The following ZBTB41 variants were observed in gnomAD, a reference collection of about 807,000 sequenced individuals.
The protein encoded by ZBTB41 is zinc finger and BTB domain containing 41.
A neutral mutation model predicts 87.6 loss-of-function variants in ZBTB41; 42 were observed. The observed-to-expected ratio is 0.48, with a 90% CI of 0.37 to 0.62. ZBTB41 has a LOEUF of 0.62. Ranked by LOEUF, ZBTB41 falls within the 20% of genes least tolerant of loss-of-function variation. The probability of loss-of-function intolerance (pLI) is 0.00; values close to 1 mark genes in which losing one functional copy is unlikely to be tolerated. For missense variants in ZBTB41, 799 were observed against 1,078.9 expected, an observed-to-expected ratio of 0.74 and a Z score of 3.63; for synonymous variants, 364 against 364.0, an observed-to-expected ratio of 1.00 and a Z score of 0.00.
At chr1:197,161,710 T>C (rs1482477839) in intron 10 of ZBTB41, among the ~76,000 whole-genome samples, 1 of 152,138 alleles carries the variant, frequency 6.6e-6, no homozygotes, top group East Asian at 1.9e-4. Context: ...TGAATGCCTA[T>C]AATCAGAGAT....
chr1:197,170,140 G>A (rs1038037677), intron 10 of ZBTB41, among the ~76,000 whole-genome samples: 4 of 151,826 alleles, frequency 2.6e-5, no homozygotes, highest in African/African-American at 9.7e-5. Flanking sequence ...TTCTCCAGAT[G>A]AGGATATGGA....
At chr1:197,171,849 A>C (rs958931421) in intron 10 of ZBTB41, among the ~76,000 whole-genome samples, 1 of 151,970 alleles carries the variant, frequency 6.6e-6, no homozygotes, top group Admixed American at 6.6e-5. Context: ...AGCAAAATAA[A>C]GAAGAATCAT....
rs67302873 is a variant in ZBTB41, at chr1:197,175,431, A to AATATATATAT, written c.1880-326_1880-317dup. Among the ~76,000 whole-genome samples the AATATATATAT allele has an allele frequency of 6.3e-4, 45 of 71,586 alleles. 2 individuals carry two copies. The highest frequency in any genetic ancestry group is 3.2e-3 in the South Asian group (5 of 1,574). 47.0% of individuals were successfully genotyped at this position (71,586 alleles called of 152,430 possible). ...ACTACTTCAAAACTTAGGAATTTTA[A>AATATATATAT]ATATATATATATATATATGTCTGTA... On this transcript the variant is annotated intron_variant, in intron 8 of 10. Transcript: ENST00000367405.
At chr1:197,178,607 G>C in intron 6 of ZBTB41, 95 bp from the exon 7 acceptor site, 1 of 745,036 alleles carries the variant, frequency 1.3e-6, no homozygotes, top group Non-Finnish European at 2.0e-6. Context: ...CAAGCTAACT[G>C]ATATTATGGC....
At position 197,199,466 on chromosome 1, in the gene ZBTB41, C is replaced by T. The variant is rs1231843554; in HGVS notation, c.1008G>A (p.Glu336=). ...GAACATTTCCTACAGAATCACCAGC[C>T]TCAGGTTCTTCTTCTGCATCATTAT... ...KDHNDAEEEP[E]AGDSVGNVHE... Residue 336 remains glutamate (E), a synonymous_variant, in exon 2 of 11, where the codon GAG becomes GAA. Transcript: ENST00000367405. The T allele has an allele frequency of 6.2e-7, 1 of 1,613,090 alleles. No individual in the cohort carries two copies. The highest frequency in any genetic ancestry group is 1.3e-5 in the African/African-American group (1 of 74,790).
chr1:197,165,628 AC>A (rs930278538), intron 10 of ZBTB41, among the ~76,000 whole-genome samples: 1 of 151,922 alleles, frequency 6.6e-6, no homozygotes, highest in African/African-American at 2.4e-5. Context: ...AACAAAAAAA[AC>A]AACAAAAAAA....
chr1:197,175,045 G>A lies in ZBTB41; in HGVS notation c.1950C>T (p.Tyr650=), dbSNP rs1432533588. 6.2e-7 allele frequency: 1 copy of A among 1,610,682 alleles called. No individual in the cohort carries two copies. Among genetic ancestry groups the A allele is most frequent in the South Asian group, 1.1e-5 (1 of 90,710 alleles). Residue 650 remains tyrosine (Y), a synonymous_variant, in exon 9 of 11, where the codon TAC becomes TAT. Coordinates refer to ENST00000367405, the MANE Select transcript of ZBTB41 (RefSeq NM_194314.3). ...CTTTCTCTCCAAGGTGTACGCTTTT[G>A]TAATGAACAGTGAGATGATCCCTAC... ...FGRRDHLTVH[Y]KSVHLGEKVW...
At chr1:197,174,174 A>C (rs932926375) in intron 9 of ZBTB41, among the ~76,000 whole-genome samples, 1 of 152,144 alleles carries the variant, frequency 6.6e-6, no homozygotes, top group Non-Finnish European at 1.5e-5. Flanking sequence ...GCTAAGCCAT[A>C]CAGATTTTCA....
chr1:197,187,701 G>T (rs1422109980), intron 5 of ZBTB41, among the ~76,000 whole-genome samples: 1 of 151,868 alleles, frequency 6.6e-6, no homozygotes, highest in Non-Finnish European at 1.5e-5. Flanking sequence ...TATACTAAGT[G>T]GAAGAAGGCA....
intron 4 of ZBTB41, 133 bp from the exon 5 acceptor site, chr1:197,188,572 A>C: frequency 2.3e-6 from 2 of 872,118 alleles, no homozygotes; most frequent in Non-Finnish European, 3.3e-6. Flanking sequence ...CAAAAAGTAA[A>C]ATTCAATTCT....
At position 197,179,822 on chromosome 1, in the gene ZBTB41, C is replaced by T. The variant is rs1450718629; in HGVS notation, c.1676+1166G>A. Among the ~76,000 whole-genome samples the T allele has an allele frequency of 2.0e-5, 3 of 152,078 alleles. No individual in the cohort carries two copies. The East Asian group carries it at 5.8e-4, about 29-fold the overall frequency. ...TTATAGAAAATAAAATATCTTTATG[C>T]AGCTGTACAATGTGTGTTTTAAGCT... On this transcript the variant is annotated intron_variant, in intron 6 of 10. Transcript: ENST00000367405.
Position 197,200,358 on chromosome 1 carries a change from G to C in ZBTB41, c.116C>G (p.Ser39Cys). 1.9e-6 allele frequency: 3 copies of C among 1,614,216 alleles called. No homozygotes were observed. The highest frequency in any genetic ancestry group is 1.7e-6 in the Non-Finnish European group (2 of 1,180,034). Residue 39 changes from serine to cysteine, a missense_variant, in exon 2 of 11, where the codon TCT (serine) becomes TGT (cysteine). Transcript: ENST00000367405. ...VECDQVTYTH[S>C]AGRPTPEALH... ...AGCTTCAGGAGTTGGTCTTCCTGCA[G>C]AATGAGTATAGGTCACTTGGTCACA...
At chr1:197,183,026 TATA>T in intron 5 of ZBTB41, among the ~76,000 whole-genome samples, 1 of 152,266 alleles carries the variant, frequency 6.6e-6, no homozygotes, top group African/African-American at 2.4e-5. Flanking sequence ...TCTATATATA[TATA>T]ATATTGCTTT....
At chr1:197,170,519 T>G (rs74335715) in intron 10 of ZBTB41, among the ~76,000 whole-genome samples, 2,783 of 152,210 alleles carry the variant, frequency 0.018, 88 homozygotes, top group African/African-American at 0.063. Flanking sequence ...GGCTAATCTA[T>G]TCCCAGTGTT....
At chr1:197,168,674 G>C (rs1045197831) in intron 10 of ZBTB41, among the ~76,000 whole-genome samples, 2 of 151,910 alleles carry the variant, frequency 1.3e-5, no homozygotes, top group Admixed American at 6.6e-5. Context: ...GAAGGTAACC[G>C]CAAAAAATAT....
At chr1:197,198,188 G>T (rs575484163) in intron 2 of ZBTB41, among the ~76,000 whole-genome samples, 2 of 152,218 alleles carry the variant, frequency 1.3e-5, no homozygotes, top group East Asian at 3.9e-4. Flanking sequence ...TGTTACTGAA[G>T]AAGTTATTTT....
rs1195968302 is a variant in ZBTB41 at position 197,188,286 on chromosome 1, G to C, written c.1546+6C>G. 6 of 1,612,188 alleles carry C rather than the reference G, an allele frequency of 3.7e-6. No individual in the cohort carries two copies. Among genetic ancestry groups the C allele is most frequent in the Non-Finnish European group, 5.1e-6 (6 of 1,179,496 alleles). On this transcript the variant is annotated splice_donor_region_variant and intron_variant, in intron 5 of 10. Coordinates refer to ENST00000367405, the MANE Select transcript of ZBTB41 (RefSeq NM_194314.3). ...TGACTGCCTTAAGAAAAAGTAACTT[G>C]CTTACCCAGATGGAACTTTTCTTGA...
intron 8 of ZBTB41, 86 bp from the exon 9 acceptor site, chr1:197,175,201 C>T (rs1571654175): frequency 1.8e-6 from 2 of 1,094,100 alleles, no homozygotes; most frequent in Non-Finnish European, 2.6e-6. Flanking sequence ...AGTAAGATCA[C>T]ATGATGTCAA....
chr1:197,167,256 T>G (rs539414451), intron 10 of ZBTB41, among the ~76,000 whole-genome samples: 2 of 152,282 alleles, frequency 1.3e-5, no homozygotes, highest in East Asian at 3.9e-4. Context: ...AGTGCAGTGG[T>G]GCCATCCCAG....
Sources: allele counts gnomAD v4.1 joint callset (sites outside exome capture counted in the v4.1 genomes callset), GRCh38; gene constraint gnomAD v4.1.1; transcripts MANE v1.5; gene names NCBI Gene and HGNC (gene_info 2026-07-23, HGNC 2026-07-21).